Variants in CEP135 observed in about 807,000 individuals in gnomAD.
The protein encoded by CEP135 is centrosomal protein of 135 kDa.
CEP135 carries 142 observed loss-of-function variants against 157.3 expected under a neutral mutation model. The observed-to-expected ratio is 0.90, with a 90% CI of 0.79 to 1.04. The LOEUF is 1.04. CEP135 is among the 50% of genes least tolerant of loss of function. CEP135 has a pLI of 0.00. For missense variants in CEP135, 1,317 were observed against 1,309.2 expected (o/e 1.01, Z -0.09); for synonymous variants, 396 against 439.8 (o/e 0.90, Z 1.25).
chr4:55,993,133 G>T (rs908191876), intron 15 of CEP135, among the ~76,000 whole-genome samples: 1 of 152,112 alleles, frequency 6.6e-6, no homozygotes, highest in African/African-American at 2.4e-5. Context: ...GTTAGTGAAT[G>T]GCATTGGATA....
At chr4:56,000,277 A>G (rs1730121853) in intron 17 of CEP135, among the ~76,000 whole-genome samples, 1 of 152,220 alleles carries the variant, frequency 6.6e-6, no homozygotes, top group Non-Finnish European at 1.5e-5. Flanking sequence ...GTAATTTGAG[A>G]CATTCATATA....
rs564116620 is a variant in CEP135 at position 55,961,764 on chromosome 4, TAAAAAAAAAAAA to T, written c.699+2018_699+2029del. ...GGGCAACAAGAGCGAAAACTCTGTC[TAAAAAAAAAAAA>T]AAAAAAAAAAAAAAAAAAATCCATC... is the stretch of plus-strand genomic sequence containing the variant. On this transcript the variant is annotated intron_variant, in intron 6 of 25. Transcript: ENST00000257287. 3.9e-4 allele frequency among the ~76,000 whole-genome samples: 21 copies of T among 54,214 alleles called. No homozygotes were observed. In the South Asian group the frequency reaches 0.011, roughly 29 times the overall value. 35.6% of individuals were successfully genotyped at this position (54,214 alleles called of 152,430 possible).
chr4:55,985,654 C>T (rs983284990), intron 14 of CEP135, among the ~76,000 whole-genome samples: 1 of 152,054 alleles, frequency 6.6e-6, no homozygotes. Context: ...GACGGGGTTT[C>T]ACCATGTTGG....
At chr4:55,990,753 C>T (rs1057068193) in intron 14 of CEP135, among the ~76,000 whole-genome samples, 7 of 152,186 alleles carry the variant, frequency 4.6e-5, no homozygotes, top group Non-Finnish European at 1.5e-5. Context: ...TCCTCTTGGC[C>T]TCAAGTGGTC....
chr4:56,019,623 A>G lies in CEP135; in HGVS notation c.3215+68A>G, dbSNP rs532586329. 2.4e-5 allele frequency: 31 copies of G among 1,296,244 alleles called. No individual in the cohort carries two copies. The African/African-American group carries it at 4.3e-4, about 18-fold the overall frequency. 80.3% of individuals were successfully genotyped at this position (1,296,244 alleles called of 1,614,324 possible). Reference sequence around the variant, plus strand: ...AAGGATAGTTTTTTAATTTTTTTGAAGTGGAGGAAAGGTTAAGAGTATGAA... The same window carrying G: ...AAGGATAGTTTTTTAATTTTTTTGAGGTGGAGGAAAGGTTAAGAGTATGAA... On this transcript the variant is annotated intron_variant, in intron 23 of 25. Transcript: ENST00000257287.
At chr4:55,985,495 G>T (rs1729550491) in intron 14 of CEP135, 137 bp downstream of exon 14, 2 of 277,180 alleles carry the variant, frequency 7.2e-6, no homozygotes, top group East Asian at 7.0e-5. Context: ...TCGCTCTGTT[G>T]CCCCGGTTGG....
At chr4:55,980,731 A>G (rs1481801430) in intron 12 of CEP135, among the ~76,000 whole-genome samples, 4 of 152,188 alleles carry the variant, frequency 2.6e-5, no homozygotes, top group African/African-American at 7.2e-5. Context: ...GGCCCCATTA[A>G]CAAATCCTCA....
At chr4:55,965,494 A>C (rs1464737237) in intron 7 of CEP135, 150 bp from the exon 8 acceptor site, 1 of 586,120 alleles carries the variant, frequency 1.7e-6, no homozygotes, top group Non-Finnish European at 3.0e-6. Flanking sequence ...CAGTTTTGTA[A>C]ATAACAATAT....
chr4:56,022,770 G>A (rs986836757), intron 24 of CEP135, among the ~76,000 whole-genome samples: 2 of 152,156 alleles, frequency 1.3e-5, no homozygotes, highest in Non-Finnish European at 1.5e-5. Flanking sequence ...TTTTGAGACA[G>A]GAAGACGGAA....
At chr4:55,971,170 A>C in intron 9 of CEP135, 100 bp from the exon 10 acceptor site, 1 of 825,418 alleles carries the variant, frequency 1.2e-6, no homozygotes, top group Non-Finnish European at 1.8e-6. Context: ...ACGTATATGT[A>C]AATTGCTGTT....
intron 13 of CEP135, among the ~76,000 whole-genome samples, chr4:55,982,336 T>A (rs1333197482): frequency 6.6e-6 from 1 of 152,230 alleles, no homozygotes; most frequent in Admixed American, 6.5e-5. Flanking sequence ...ATATTCCTGG[T>A]CATATGGTAA....
intron 10 of CEP135, among the ~76,000 whole-genome samples, chr4:55,972,815 TGA>T (rs1434192525): frequency 6.6e-6 from 1 of 152,162 alleles, no homozygotes; most frequent in East Asian, 1.9e-4. Context: ...GCGGATCACC[TGA>T]GGTCGGGAGT....
chr4:56,022,112 A>G (rs569040347), intron 24 of CEP135, among the ~76,000 whole-genome samples: 2 of 152,296 alleles, frequency 1.3e-5, no homozygotes, highest in East Asian at 3.9e-4. Flanking sequence ...TGTAATTTAG[A>G]AGATCTAGTT....
chr4:55,968,785 A>C (rs1275740161), intron 8 of CEP135, among the ~76,000 whole-genome samples: 1 of 152,224 alleles, frequency 6.6e-6, no homozygotes, highest in Admixed American at 6.5e-5. Flanking sequence ...ACAGTGCCAT[A>C]GAATTACCCC....
At chr4:56,006,298 C>T (rs1019208096) in intron 17 of CEP135, among the ~76,000 whole-genome samples, 15 of 152,116 alleles carry the variant, frequency 9.9e-5, no homozygotes, top group South Asian at 2.1e-4. Flanking sequence ...CCTTTGACTG[C>T]GTAATTTCAA....
intron 25 of CEP135, among the ~76,000 whole-genome samples, chr4:56,025,603 C>G (rs527654893): frequency 6.6e-6 from 1 of 152,156 alleles, no homozygotes; most frequent in African/African-American, 2.4e-5. Context: ...AACGTCAGTC[C>G]TCCTGTGTAT....
At chr4:55,962,521 A>C (rs1370766066) in intron 6 of CEP135, among the ~76,000 whole-genome samples, 2 of 151,506 alleles carry the variant, frequency 1.3e-5, no homozygotes, top group African/African-American at 2.4e-5. Context: ...CCTCCTGCTC[A>C]CTCCTTAACC....
intron 15 of CEP135, among the ~76,000 whole-genome samples, chr4:55,997,161 A>G (rs1287168222): frequency 6.6e-6 from 1 of 152,184 alleles, no homozygotes; most frequent in East Asian, 1.9e-4. Context: ...CAGTCACTCA[A>G]CTATTCTTTC....
intron 13 of CEP135, among the ~76,000 whole-genome samples, chr4:55,982,861 A>G (rs1729459101): frequency 2.6e-5 from 4 of 152,136 alleles, no homozygotes. Flanking sequence ...TATAATCTCC[A>G]AAAATATAAG....
Sources: gnomAD v4.1 joint callset for allele counts (sites outside exome capture counted in the v4.1 genomes callset) on GRCh38, gnomAD v4.1.1 for gene constraint, MANE v1.5 for transcripts, NCBI Gene and HGNC (gene_info 2026-07-23, HGNC 2026-07-21) for gene names.